CAMK1D: variants seen among roughly 807,000 people sequenced by gnomAD.
CAMK1D encodes calcium/calmodulin dependent protein kinase ID.
In CAMK1D, 9 loss-of-function variants were observed where a neutral mutation model predicts 47.7. That is an observed-to-expected ratio of 0.19 (90% CI 0.11 to 0.33). The LOEUF is 0.33. CAMK1D is among the 10% of genes least tolerant of loss of function. The pLI, the probability that CAMK1D is intolerant of heterozygous loss-of-function variation, is 1.00. For missense variants in CAMK1D, 291 were observed against 488.7 expected (o/e 0.60, Z 3.81); for synonymous variants, 184 against 184.9 (o/e 0.99, Z 0.04).
In CAMK1D at chr10:12,743,761, G is replaced by A. The variant is rs1835541210; in HGVS notation, c.300-17187G>A. ...TTCCGGGCCAGGTGCAGTGGCTCAC[G>A]CCTGTAATCTCAGCACTTTGGGAGG... is the stretch of plus-strand genomic sequence containing the variant. On this transcript the variant is annotated intron_variant, in intron 3 of 10. Coordinates refer to ENST00000619168, the MANE Select transcript of CAMK1D (RefSeq NM_153498.4). Among the ~76,000 whole-genome samples, 3 of 152,250 alleles carry A rather than the reference G, an allele frequency of 2.0e-5. No homozygotes were observed. In the South Asian group the frequency reaches 6.2e-4, roughly 32 times the overall value.
intron 1 of CAMK1D, among the ~76,000 whole-genome samples, chr10:12,479,453 C>T (rs1833999288): frequency 6.6e-6 from 1 of 152,192 alleles, no homozygotes; most frequent in Non-Finnish European, 1.5e-5. Context: ...GCCTCAGCCT[C>T]CCAAATTGCT....
chr10:12,479,259 C>T (rs971381295), intron 1 of CAMK1D, among the ~76,000 whole-genome samples: 3 of 151,686 alleles, frequency 2.0e-5, no homozygotes, highest in Non-Finnish European at 2.9e-5. Flanking sequence ...TGCAGTGGTG[C>T]GATCTTGGCT....
Position 12,825,664 on chromosome 10 carries a change from G to A in CAMK1D, c.1013G>A (p.Ser338Asn), listed in dbSNP as rs754511728. 3 of 1,614,242 alleles carry A rather than the reference G, an allele frequency of 1.9e-6. No homozygotes were observed. Among genetic ancestry groups the A allele is most frequent in the South Asian group, 1.1e-5 (1 of 91,090 alleles). Reference sequence around the variant, plus strand: ...AGTTCAAATGCAAGTGTTTCGAGCAGCCTCAGTTTGGCCAGCCAAAAAGAC... The same window carrying A: ...AGTTCAAATGCAAGTGTTTCGAGCAACCTCAGTTTGGCCAGCCAAAAAGAC... ...LDSSNASVSS[S>N]LSLASQKDCL... Residue 338 changes from serine (S) to asparagine (N), a missense_variant, in exon 10 of 11, where the codon AGC (serine) becomes AAC (asparagine). This residue lies in a region of CAMK1D where 72 missense variants were observed against 64.4 expected (regional missense o/e 1.12). Transcript: ENST00000619168.
At chr10:12,357,529 T>C (rs556193061) in intron 1 of CAMK1D, among the ~76,000 whole-genome samples, 2 of 152,312 alleles carry the variant, frequency 1.3e-5, no homozygotes, top group East Asian at 3.9e-4. Context: ...TTGCCCAGGC[T>C]GGTCTAAAAC....
rs141900016 is a variant in CAMK1D, at chr10:12,820,785, C to T, written c.834-3680C>T. ...AGCCGGCCTCTTAGCAGATGGCTCCCGCCCCTTTCACTGAGCATTGCTGTT... is the reference window on the plus strand; with the variant it reads ...AGCCGGCCTCTTAGCAGATGGCTCCTGCCCCTTTCACTGAGCATTGCTGTT... On this transcript the variant is annotated intron_variant, in intron 8 of 10. Transcript: ENST00000619168. Among the ~76,000 whole-genome samples, 25 of 152,306 alleles carry T rather than the reference C, an allele frequency of 1.6e-4. No individual in the cohort carries two copies. In the East Asian group the frequency reaches 3.7e-3, roughly 22 times the overall value.
chr10:12,438,680 G>C (rs773061185), intron 1 of CAMK1D, among the ~76,000 whole-genome samples: 3 of 152,198 alleles, frequency 2.0e-5, no homozygotes, highest in Non-Finnish European at 4.4e-5. Context: ...CATTTTTGCT[G>C]TTGCACTAGG....
chr10:12,741,302 A>T (rs1394988896), intron 3 of CAMK1D, among the ~76,000 whole-genome samples: 1 of 152,182 alleles, frequency 6.6e-6, no homozygotes, highest in African/African-American at 2.4e-5. Flanking sequence ...CTCTTGTAAC[A>T]GTTACGAACC....
chr10:12,460,900 C>T (rs1373341233), intron 1 of CAMK1D, among the ~76,000 whole-genome samples: 1 of 152,214 alleles, frequency 6.6e-6, no homozygotes, highest in African/African-American at 2.4e-5. Context: ...GGGTTGGACT[C>T]TCTTTGAGGA....
chr10:12,641,876 C>T (rs1402542714), intron 2 of CAMK1D, among the ~76,000 whole-genome samples: 1 of 151,988 alleles, frequency 6.6e-6, no homozygotes, highest in Non-Finnish European at 1.5e-5. Flanking sequence ...GAGACCCCAT[C>T]TCTACTAAAA....
At chr10:12,468,144 C>T (rs1833645398) in intron 1 of CAMK1D, among the ~76,000 whole-genome samples, 1 of 152,230 alleles carries the variant, frequency 6.6e-6, no homozygotes, top group Non-Finnish European at 1.5e-5. Flanking sequence ...CAGCCTTGAC[C>T]TCCTGGGCTC....
At chr10:12,551,150 G>A (rs1836564994) in intron 1 of CAMK1D, among the ~76,000 whole-genome samples, 1 of 152,228 alleles carries the variant, frequency 6.6e-6, no homozygotes, top group African/African-American at 2.4e-5. Flanking sequence ...CAGCGGGCAA[G>A]CAAGCAAAGC....
intron 2 of CAMK1D, among the ~76,000 whole-genome samples, chr10:12,589,121 A>G (rs1429295867): frequency 6.6e-6 from 1 of 151,966 alleles, no homozygotes; most frequent in Non-Finnish European, 1.5e-5. Flanking sequence ...CCTGTCTCCC[A>G]GGCTCAATTC....
intron 2 of CAMK1D, among the ~76,000 whole-genome samples, chr10:12,620,234 C>T (rs1436247996): frequency 7.2e-6 from 1 of 138,146 alleles, no homozygotes; most frequent in Admixed American, 7.3e-5. Context: ...CTGCTATAAA[C>T]GTCCATGTAC....
At chr10:12,442,396 G>A (rs1013900205) in intron 1 of CAMK1D, among the ~76,000 whole-genome samples, 17 of 152,184 alleles carry the variant, frequency 1.1e-4, no homozygotes, top group African/African-American at 4.1e-4. Flanking sequence ...CAGGAGAATG[G>A]CGTGAACCCG....
chr10:12,401,598 G>A (rs1839226521), intron 1 of CAMK1D, among the ~76,000 whole-genome samples: 1 of 151,362 alleles, frequency 6.6e-6, no homozygotes, highest in Non-Finnish European at 1.5e-5. Context: ...AGATAGGGAG[G>A]CTCCCACAAG....
At chr10:12,824,439 G>A (rs977199993) in intron 8 of CAMK1D, 26 bp from the exon 9 acceptor site, 3 of 1,607,592 alleles carry the variant, frequency 1.9e-6, no homozygotes, top group Non-Finnish European at 2.6e-6. Flanking sequence ...AAGCACTTCA[G>A]AGCAGCACCT....
intron 2 of CAMK1D, among the ~76,000 whole-genome samples, chr10:12,625,356 A>T (rs866216929): frequency 6.7e-6 from 1 of 149,650 alleles, no homozygotes; most frequent in Non-Finnish European, 1.5e-5. Flanking sequence ...AAAAAAAAAA[A>T]GTAAAGAAAC....
intron 1 of CAMK1D, among the ~76,000 whole-genome samples, chr10:12,366,010 C>T (rs1281452142): frequency 2.0e-5 from 3 of 152,164 alleles, no homozygotes; most frequent in African/African-American, 7.2e-5. Context: ...GAGCAGAGAT[C>T]GCACCAATGC....
chr10:12,502,168 T>C (rs1448277651), intron 1 of CAMK1D, among the ~76,000 whole-genome samples: 1 of 152,160 alleles, frequency 6.6e-6, no homozygotes, highest in Non-Finnish European at 1.5e-5. Context: ...GCAGGCAGTC[T>C]GGACCGAAGG....
Sources: allele counts gnomAD v4.1 joint callset (sites outside exome capture counted in the v4.1 genomes callset), GRCh38; gene constraint gnomAD v4.1.1; regional missense constraint gnomAD v4.1.1; transcripts MANE v1.5; gene names NCBI Gene and HGNC (gene_info 2026-07-23, HGNC 2026-07-21).